NFIB: variants seen among roughly 807,000 people sequenced by gnomAD.
NFIB encodes nuclear factor 1 B-type.
In NFIB, 11 loss-of-function variants were observed where a neutral mutation model predicts 61.5. The ratio of observed to expected loss-of-function variants is 0.18; its 90% CI spans 0.11 to 0.30. NFIB has a LOEUF of 0.30. NFIB is among the 10% of genes least tolerant of loss of function. The pLI is 1.00. For missense variants in NFIB, 471 were observed against 608.9 expected, an observed-to-expected ratio of 0.77 and a Z score of 2.38; for synonymous variants, 260 against 216.5, an observed-to-expected ratio of 1.20 and a Z score of -1.76.
chr9:14,329,507 T>C (rs1393450073), intron 1 of NFIB, among the ~76,000 whole-genome samples: 4 of 152,000 alleles, frequency 2.6e-5, no homozygotes, highest in Non-Finnish European at 5.9e-5. Context: ...ACTCCTTGTC[T>C]TTCTCTTTTT....
intron 1 of NFIB, chr9:14,361,528 AC>A (rs1430496426): frequency 6.6e-6 from 1 of 152,212 alleles, no homozygotes; most frequent in African/African-American, 2.4e-5. Flanking sequence ...ACATGCACAC[AC>A]ATGCATGCAT....
chr9:14,504,620 T>G, the NFIB span, among the ~76,000 whole-genome samples: 5 of 152,228 alleles, frequency 3.3e-5, no homozygotes, highest in Admixed American at 3.3e-4. Flanking sequence ...GTTCTTGATT[T>G]GATTCTTAGC....
At chr9:14,222,530 C>G (rs1187065436) in intron 2 of NFIB, among the ~76,000 whole-genome samples, 20 of 152,122 alleles carry the variant, frequency 1.3e-4, no homozygotes. Flanking sequence ...GGACCAGGCA[C>G]AGTGGTTCAC....
intron 2 of NFIB, among the ~76,000 whole-genome samples, chr9:14,210,663 C>A (rs2050213609): frequency 6.6e-6 from 1 of 151,974 alleles, no homozygotes; most frequent in Non-Finnish European, 1.5e-5. Flanking sequence ...AATGATCTGT[C>A]ACTTTATATG....
the NFIB span, among the ~76,000 whole-genome samples, chr9:14,461,026 G>A: frequency 6.6e-6 from 1 of 151,542 alleles, no homozygotes; most frequent in African/African-American, 2.4e-5. Flanking sequence ...CCCTTCCTCC[G>A]TGCACCCTCT....
At chr9:14,476,131 A>T in the NFIB span, among the ~76,000 whole-genome samples, 2 of 152,166 alleles carry the variant, frequency 1.3e-5, no homozygotes, top group Non-Finnish European at 2.9e-5. Flanking sequence ...TGAGAATTCT[A>T]ACTCTACTCC....
chr9:14,454,302 C>T, the NFIB span, among the ~76,000 whole-genome samples: 2 of 152,212 alleles, frequency 1.3e-5, no homozygotes, highest in East Asian at 3.8e-4. Context: ...CAGTGAGCCT[C>T]TGAGAAGATT....
At chr9:14,400,871 G>T (rs545863760), upstream of NFIB, among the ~76,000 whole-genome samples, 1 of 152,200 alleles carries the variant, frequency 6.6e-6, no homozygotes, top group African/African-American at 2.4e-5. Context: ...CATCACTGGC[G>T]TAGGGAGGAG....
the NFIB span, among the ~76,000 whole-genome samples, chr9:14,430,451 T>G: frequency 6.6e-6 from 1 of 152,198 alleles, no homozygotes; most frequent in East Asian, 1.9e-4. Flanking sequence ...ATGCAACTGG[T>G]GAAAACTACA....
chr9:14,457,968 A>C, the NFIB span, among the ~76,000 whole-genome samples: 1 of 152,190 alleles, frequency 6.6e-6, no homozygotes, highest in Non-Finnish European at 1.5e-5. Context: ...TTCCTTCTGA[A>C]ACTATTCCAA....
intron 2 of NFIB, among the ~76,000 whole-genome samples, chr9:14,305,135 G>GT (rs1198620686): frequency 2.1e-4 from 32 of 151,908 alleles, no homozygotes; most frequent in Non-Finnish European, 2.9e-4. Context: ...GCATTTATGC[G>GT]TTTTTTTTCT....
intron 2 of NFIB, among the ~76,000 whole-genome samples, chr9:14,268,585 C>A (rs2057385386): frequency 6.6e-6 from 1 of 152,202 alleles, no homozygotes; most frequent in South Asian, 2.1e-4. Context: ...AAGCTCATTT[C>A]TTGAGTCATG....
chr9:14,499,641 G>A, the NFIB span, among the ~76,000 whole-genome samples: 2 of 152,164 alleles, frequency 1.3e-5, no homozygotes, highest in Admixed American at 6.5e-5. Context: ...GGAAAATAAT[G>A]CTTGTGAAGG....
At chr9:14,405,993 A>G in the NFIB span, among the ~76,000 whole-genome samples, 1 of 152,244 alleles carries the variant, frequency 6.6e-6, no homozygotes. Context: ...AAGAAACCAT[A>G]AAGTTAGACT....
chr9:14,463,530 C>A, the NFIB span, among the ~76,000 whole-genome samples: 32 of 152,244 alleles, frequency 2.1e-4, no homozygotes, highest in East Asian at 6.2e-3. Flanking sequence ...CAAAGGAAAT[C>A]TCTAATTCCT....
At chr9:14,190,604 C>G (rs2047842014) in intron 2 of NFIB, among the ~76,000 whole-genome samples, 2 of 152,080 alleles carry the variant, frequency 1.3e-5, no homozygotes, top group African/African-American at 4.8e-5. Context: ...ATTGAACCAA[C>G]ATTTTTGAAA....
intron 1 of NFIB, among the ~76,000 whole-genome samples, chr9:14,388,358 GAGAA>G (rs762851430): frequency 0.016 from 1,426 of 86,816 alleles, 26 homozygotes; most frequent in Middle Eastern, 0.058. Flanking sequence ...TTTTCAAAAA[GAGAA>G]AGAAAGAAGG....
chr9:14,458,241 T>C, the NFIB span, among the ~76,000 whole-genome samples: 1 of 152,146 alleles, frequency 6.6e-6, no homozygotes, highest in South Asian at 2.1e-4. Flanking sequence ...TAATCCAGCA[T>C]ATAAACAGAA....
intron 2 of NFIB, among the ~76,000 whole-genome samples, chr9:14,192,027 C>T (rs577343396): frequency 2.0e-5 from 3 of 152,262 alleles, no homozygotes; most frequent in Non-Finnish European, 4.4e-5. Flanking sequence ...TTTCCTTGTC[C>T]ACTCTTGGTA....
Sources: gnomAD v4.1 joint callset for allele counts (sites outside exome capture counted in the v4.1 genomes callset) on GRCh38, gnomAD v4.1.1 for gene constraint, MANE v1.5 for transcripts, NCBI Gene and HGNC (gene_info 2026-07-23, HGNC 2026-07-21) for gene names.